The following N4BP2L2 variants were observed in gnomAD, a reference collection of about 807,000 sequenced individuals.
N4BP2L2 encodes NEDD4 binding protein 2 like 2, also known as NEDD4-binding protein 2-like 2.
In N4BP2L2, 50 loss-of-function variants were observed where a neutral mutation model predicts 56.2. The observed-to-expected ratio is 0.89, with a 90% CI of 0.71 to 1.13. The LOEUF (loss-of-function observed/expected upper bound fraction) is 1.13. N4BP2L2 is among the 50% of genes most tolerant of loss of function. The probability of loss-of-function intolerance (pLI) is 0.00; values close to 1 mark genes in which losing one functional copy is unlikely to be tolerated. For missense variants in N4BP2L2, 689 were observed against 693.8 expected, an observed-to-expected ratio of 0.99 and a Z score of 0.08; for synonymous variants, 203 against 223.6, an observed-to-expected ratio of 0.91 and a Z score of 0.82.
intron 6 of N4BP2L2, among the ~76,000 whole-genome samples, chr13:32,455,484 C>T (rs565845090): frequency 6.6e-6 from 1 of 152,328 alleles, no homozygotes; most frequent in East Asian, 1.9e-4. Context: ...GGCCAAAGCA[C>T]GTACTACAGG....
At chr13:32,487,468 T>TAA (rs372995200) in intron 6 of N4BP2L2, among the ~76,000 whole-genome samples, 14 of 116,478 alleles carry the variant, frequency 1.2e-4, no homozygotes, top group African/African-American at 3.5e-4. Flanking sequence ...GACCCTGTCT[T>TAA]AAAAAAAAAA....
chr13:32,487,295 G>A (rs1156462131), intron 6 of N4BP2L2, among the ~76,000 whole-genome samples: 1 of 151,888 alleles, frequency 6.6e-6, no homozygotes, highest in Non-Finnish European at 1.5e-5. Context: ...GCAACATGGT[G>A]AAATCCCATC....
intron 6 of N4BP2L2, among the ~76,000 whole-genome samples, chr13:32,475,768 T>G (rs2083206842): frequency 6.6e-6 from 1 of 152,194 alleles, no homozygotes; most frequent in Non-Finnish European, 1.5e-5. Context: ...TACCGAGGAT[T>G]CCCATATCCC....
intron 2 of N4BP2L2, among the ~76,000 whole-genome samples, chr13:32,528,226 C>A (rs1302977537): frequency 6.6e-6 from 1 of 152,082 alleles, no homozygotes; most frequent in Non-Finnish European, 1.5e-5. Flanking sequence ...AGCAAGTAAG[C>A]CTAAGCAAGC....
chr13:32,511,700 T>C (rs924325488), exon 6 of N4BP2L2: 4 of 152,152 alleles, frequency 2.6e-5, no homozygotes, highest in African/African-American at 9.7e-5. Flanking sequence ...TATCTCCCGC[T>C]TTGCCAGACA....
chr13:32,538,075 G>GGGC (rs1566203291), intron 1 of N4BP2L2, among the ~76,000 whole-genome samples: 1 of 138,964 alleles, frequency 7.2e-6, no homozygotes, highest in East Asian at 2.4e-4. Context: ...CGTCTTGGGG[G>GGGC]GGGGGGGCGG....
At chr13:32,500,018 T>A (rs1277086488) in intron 6 of N4BP2L2, among the ~76,000 whole-genome samples, 1 of 152,244 alleles carries the variant, frequency 6.6e-6, no homozygotes, top group Non-Finnish European at 1.5e-5. Context: ...ATTTGCTGAC[T>A]GAACTTTTTT....
chr13:32,466,897 C>A (rs2081339882), intron 6 of N4BP2L2, among the ~76,000 whole-genome samples: 1 of 152,042 alleles, frequency 6.6e-6, no homozygotes. Flanking sequence ...GGGAGTCTTC[C>A]CTAAGAACTC....
In N4BP2L2 at chr13:32,522,271, C is replaced by A; in HGVS notation, c.1385-1G>T. On this transcript the variant is annotated splice_acceptor_variant, in intron 3 of 5. Coordinates refer to ENST00000267068, the Ensembl canonical transcript of N4BP2L2. LOFTEE classifies it high-confidence loss of function. ...CTTCCCTGATCGATAGCTTGTTTTG[C>A]TGAAATAAAATATAAATTTAAAAAT... 6.7e-7 allele frequency: 1 copy of A among 1,493,426 alleles called. No individual in the cohort carries two copies. 92.5% of individuals were successfully genotyped at this position (1,493,426 alleles called of 1,614,324 possible).
At chr13:32,465,423 C>T (rs1258691652) in intron 6 of N4BP2L2, among the ~76,000 whole-genome samples, 2 of 152,072 alleles carry the variant, frequency 1.3e-5, no homozygotes, top group East Asian at 3.8e-4. Context: ...TTTATAAATC[C>T]ATATTGATGG....
chr13:32,438,441 A>G (rs574069994), intron 8 of N4BP2L2, among the ~76,000 whole-genome samples: 2 of 152,358 alleles, frequency 1.3e-5, no homozygotes, highest in Admixed American at 6.5e-5. Context: ...CCATAAAAAT[A>G]TACCTCCACT....
intron 6 of N4BP2L2, among the ~76,000 whole-genome samples, chr13:32,461,861 C>T (rs553682294): frequency 6.6e-6 from 1 of 152,290 alleles, no homozygotes. Context: ...CTTGGCCTCC[C>T]AATGTGCTGC....
chr13:32,471,689 G>A lies in N4BP2L2; in HGVS notation c.366-27563C>T, dbSNP rs200067128. Among the ~76,000 whole-genome samples the A allele has an allele frequency of 1.1e-4, 17 of 152,382 alleles. No homozygotes were observed. In the South Asian group the frequency reaches 1.9e-3, roughly 17 times the overall value. On this transcript the variant is annotated intron_variant, in intron 6 of 9. Coordinates refer to the N4BP2L2 transcript ENST00000357505. ...GGGAGTGGCAGGAGCTGCAGAGCTG[G>A]AGCTGACAGCCAAGATAAAAGCAGT...
chr13:32,434,906 A>G (rs2075301360), intron 9 of N4BP2L2, among the ~76,000 whole-genome samples: 2 of 152,220 alleles, frequency 1.3e-5, no homozygotes. Context: ...CATCATGAAA[A>G]TCAAAATTGT....
At chr13:32,531,553 A>T (rs2054805832) in intron 2 of N4BP2L2, among the ~76,000 whole-genome samples, 1 of 152,178 alleles carries the variant, frequency 6.6e-6, no homozygotes, top group Admixed American at 6.5e-5. Flanking sequence ...GCCTTTATAT[A>T]CTTCCTATCC....
chr13:32,471,999 C>A (rs2082394515), intron 6 of N4BP2L2, among the ~76,000 whole-genome samples: 1 of 152,244 alleles, frequency 6.6e-6, no homozygotes, highest in Non-Finnish European at 1.5e-5. Context: ...AATCAAGCCT[C>A]TCTCTAGGCC....
At chr13:32,448,441 T>C (rs934797685) in intron 6 of N4BP2L2, among the ~76,000 whole-genome samples, 4 of 152,100 alleles carry the variant, frequency 2.6e-5, no homozygotes, top group African/African-American at 7.2e-5. Context: ...AGGCACAGGA[T>C]GTAGCTTTTA....
exon 4 of N4BP2L2, chr13:32,522,251 C>T: frequency 6.5e-7 from 1 of 1,546,836 alleles, no homozygotes; most frequent in Non-Finnish European, 8.7e-7. Context: ...GAGATCTTCC[C>T]TGATCGATAG....
intron 6 of N4BP2L2, among the ~76,000 whole-genome samples, chr13:32,468,496 A>G (rs2081653205): frequency 6.6e-6 from 1 of 152,214 alleles, no homozygotes. Flanking sequence ...AAAAGTAAAG[A>G]GGTACTTTAT....
Sources: gnomAD v4.1 joint callset for allele counts (sites outside exome capture counted in the v4.1 genomes callset) on GRCh38, gnomAD v4.1.1 for gene constraint, MANE v1.5 for transcripts, NCBI Gene and HGNC (gene_info 2026-07-23, HGNC 2026-07-21) for gene names.